The following DACH2 variants were observed in gnomAD, a reference collection of about 807,000 sequenced individuals.
DACH2 encodes dachshund homolog 2.
In DACH2, 17 loss-of-function variants were observed where a neutral mutation model predicts 35.8. The ratio of observed to expected loss-of-function variants is 0.48; its 90% CI spans 0.33 to 0.71. DACH2 has a LOEUF of 0.71. Among genes scored for constraint, DACH2 ranks in the 30% least tolerant of loss-of-function variants. The pLI, the probability that DACH2 is intolerant of heterozygous loss-of-function variation, is 0.02. For missense variants in DACH2, 469 were observed against 472.7 expected (o/e 0.99, Z 0.07); for synonymous variants, 195 against 177.3 (o/e 1.10, Z -0.79).
At chrX:86,477,382 C>A (rs908797826) in intron 2 of DACH2, among the ~76,000 whole-genome samples, 2 of 91,928 alleles carry the variant, frequency 2.2e-5, no homozygotes, top group Admixed American at 2.4e-4. Flanking sequence ...TTGTTATATC[C>A]TCTTGTTTAA....
At chrX:86,251,408 G>A (rs779022034) in intron 1 of DACH2, among the ~76,000 whole-genome samples, 60 of 110,597 alleles carry the variant, frequency 5.4e-4, no homozygotes, top group Non-Finnish European at 9.1e-4. Flanking sequence ...GTTCTTTAAT[G>A]GTGATTTCTG....
intron 1 of DACH2, among the ~76,000 whole-genome samples, chrX:86,315,048 T>G (rs182959195): frequency 2.7e-5 from 3 of 112,449 alleles, no homozygotes; most frequent in African/African-American, 9.7e-5. Flanking sequence ...TCTAGAACTT[T>G]GTAGCTGGAG....
At chrX:86,615,936 C>A (rs2039996885) in intron 3 of DACH2, among the ~76,000 whole-genome samples, 2 of 110,375 alleles carry the variant, frequency 1.8e-5, no homozygotes, top group Admixed American at 1.9e-4. Context: ...CACACTCTAC[C>A]CTCAACTAGG....
intron 1 of DACH2, among the ~76,000 whole-genome samples, chrX:86,278,398 C>T (rs765489223): frequency 9.0e-5 from 10 of 111,684 alleles, no homozygotes; most frequent in South Asian, 3.7e-4. Flanking sequence ...CCACTTTTTG[C>T]GGGGCAAATG....
chrX:86,228,368 T>A (rs746376755), intron 1 of DACH2, among the ~76,000 whole-genome samples: 1 of 110,457 alleles, frequency 9.1e-6, no homozygotes, highest in Middle Eastern at 4.7e-3. Flanking sequence ...TCCACGATTT[T>A]GCTATTGTGA....
intron 1 of DACH2, among the ~76,000 whole-genome samples, chrX:86,181,612 T>C (rs1332372022): frequency 9.0e-6 from 1 of 111,652 alleles, no homozygotes; most frequent in Non-Finnish European, 1.9e-5. Context: ...TGGTTCCAAG[T>C]CTTTGCTATT....
intron 1 of DACH2, among the ~76,000 whole-genome samples, chrX:86,348,960 A>C (rs1186816584): frequency 8.9e-6 from 1 of 111,867 alleles, no homozygotes; most frequent in Non-Finnish European, 1.9e-5. Flanking sequence ...AGAGCTCCCG[A>C]AGCCCCAGTG....
At chrX:86,311,537 G>C (rs756283090) in intron 1 of DACH2, among the ~76,000 whole-genome samples, 1 of 111,216 alleles carries the variant, frequency 9.0e-6, no homozygotes, top group South Asian at 3.9e-4. Context: ...TTCTCTCGTA[G>C]CCAGGATTCA....
rs186836563 is a variant in DACH2, at chrX:86,221,352, T to G, written c.488+72244T>G. Among the ~76,000 whole-genome samples the G allele has an allele frequency of 3.3e-3, 365 of 111,952 alleles. 1 individual carries two copies. The highest frequency in any genetic ancestry group is 0.012 in the African/African-American group (355 of 30,864). On this transcript the variant is annotated intron_variant, in intron 1 of 11. Transcript: ENST00000373125. ...TACTGTGTATTCTTAAAACTCTTAT[T>G]GAAGATCAGTTAATCATATATGCAT...
At chrX:86,413,012 C>A (rs199631069) in intron 2 of DACH2, among the ~76,000 whole-genome samples, 2 of 111,464 alleles carry the variant, frequency 1.8e-5, no homozygotes, top group Non-Finnish European at 3.8e-5. Context: ...TAGGAGAGGC[C>A]AAATGCATCA....
At chrX:86,328,547 A>T (rs976393299) in intron 1 of DACH2, among the ~76,000 whole-genome samples, 1 of 111,843 alleles carries the variant, frequency 8.9e-6, no homozygotes, top group African/African-American at 3.2e-5. Context: ...GAACAAAATG[A>T]TCTGAATATG....
At chrX:86,277,428 A>G (rs754156608) in intron 1 of DACH2, among the ~76,000 whole-genome samples, 6 of 111,979 alleles carry the variant, frequency 5.4e-5, no homozygotes, top group Non-Finnish European at 1.1e-4. Context: ...AAATGTGGTT[A>G]TGTTATACAT....
chrX:86,310,002 G>A, intron 1 of DACH2, among the ~76,000 whole-genome samples: 1 of 112,310 alleles, frequency 8.9e-6, no homozygotes, highest in Middle Eastern at 4.6e-3. Flanking sequence ...ATGCTGTTTG[G>A]AGCCCTTGGC....
intron 2 of DACH2, among the ~76,000 whole-genome samples, chrX:86,479,000 T>C (rs1312849126): frequency 1.8e-5 from 2 of 110,718 alleles, no homozygotes; most frequent in Non-Finnish European, 3.8e-5. Flanking sequence ...CAAGGTTTTA[T>C]TGAGTGGTGG....
chrX:86,576,649 C>A (rs1166450907), intron 3 of DACH2, among the ~76,000 whole-genome samples: 1 of 110,985 alleles, frequency 9.0e-6, no homozygotes, highest in African/African-American at 3.3e-5. Flanking sequence ...CATTATTATA[C>A]ACCATAGTTT....
intron 2 of DACH2, among the ~76,000 whole-genome samples, chrX:86,389,690 T>G (rs2036171257): frequency 8.9e-6 from 1 of 112,094 alleles, no homozygotes; most frequent in African/African-American, 3.2e-5. Flanking sequence ...AGGTTTAGGT[T>G]ATTATGCTAT....
intron 3 of DACH2, among the ~76,000 whole-genome samples, chrX:86,617,130 T>C (rs2040014696): frequency 8.9e-6 from 1 of 111,870 alleles, no homozygotes; most frequent in Non-Finnish European, 1.9e-5. Flanking sequence ...GTGTCTATTT[T>C]TTGTACCAGT....
At chrX:86,546,369 T>TTCTTCC (rs1293930256) in intron 3 of DACH2, among the ~76,000 whole-genome samples, 2 of 50,326 alleles carry the variant, frequency 4.0e-5, no homozygotes, top group Non-Finnish European at 7.0e-5. Flanking sequence ...CTTCTTCTTC[T>TTCTTCC]TCTTCTTCTT....
At chrX:86,429,542 T>TTCTTC (rs924107238) in intron 2 of DACH2, among the ~76,000 whole-genome samples, 5 of 106,350 alleles carry the variant, frequency 4.7e-5, no homozygotes, top group African/African-American at 1.7e-4. Flanking sequence ...TGCATTTCTT[T>TTCTTC]TCTTTTCTTT....
Sources: gnomAD v4.1 joint callset for allele counts (sites outside exome capture counted in the v4.1 genomes callset) on GRCh38, gnomAD v4.1.1 for gene constraint, MANE v1.5 for transcripts, NCBI Gene and HGNC (gene_info 2026-07-23, HGNC 2026-07-21) for gene names.